Variants in DDX39B observed in about 807,000 individuals in gnomAD.
DDX39B encodes the protein spliceosome RNA helicase DDX39B.
In DDX39B, 6 loss-of-function variants were observed where a neutral mutation model predicts 46.4. That is an observed-to-expected ratio of 0.13 (90% confidence interval 0.07 to 0.26). The LOEUF (loss-of-function observed/expected upper bound fraction) is 0.26. DDX39B is among the 10% of genes least tolerant of loss of function. DDX39B has a pLI of 1.00. For synonymous variants in DDX39B, 174 were observed against 199.4 expected, an observed-to-expected ratio of 0.87 and a Z score of 1.07; for missense variants, 185 against 553.4, an observed-to-expected ratio of 0.33 and a Z score of 6.68.
In DDX39B at chr6:31,540,548, G is replaced by A. The variant is rs770147406; in HGVS notation, c.-16C>T. On this transcript the variant is annotated 5_prime_UTR_variant, in exon 2 of 11. Coordinates refer to ENST00000396172, the MANE Select transcript of DDX39B (RefSeq NM_004640.7). ...TCTCTGCCATAACTGGGCCGGCAGG[G>A]GAAGAAGGGAAGGGGGATCTGGATG... 1 of 1,613,306 alleles carries A rather than the reference G, an allele frequency of 6.2e-7. No homozygotes were observed. Among genetic ancestry groups the A allele is most frequent in the Non-Finnish European group, 8.5e-7 (1 of 1,179,668 alleles).
chr6:31,541,859 C>G, intron 1 of DDX39B, 91 bp downstream of exon 1: 1 of 637,536 alleles, frequency 1.6e-6, no homozygotes, highest in Non-Finnish European at 2.9e-6. Context: ...ACCAGACCAT[C>G]GCCTGTGAAA....
chr6:31,540,858 G>T, intron 1 of DDX39B, 194 bp from the exon 2 acceptor site: 1 of 451,956 alleles, frequency 2.2e-6, no homozygotes, highest in East Asian at 4.2e-5. Flanking sequence ...TTAGGACAGA[G>T]GTTCCCAACA....
Position 31,540,675 on chromosome 6 carries a change from GAA to G in DDX39B, c.-132-13_-132-12del, listed in dbSNP as rs34788230. ...TTTCTAACAGAAGAGCTGGAGGGGG[GAA>G]AAAAAAAAGCAAGACTTAATCACGA... On this transcript the variant is annotated splice_polypyrimidine_tract_variant and intron_variant, in intron 1 of 10. Coordinates refer to ENST00000396172, the MANE Select transcript of DDX39B (RefSeq NM_004640.7). The G allele has an allele frequency of 2.0e-3, 1,256 of 632,778 alleles. 19 individuals carry two copies. The East Asian group carries it at 0.029, about 15-fold the overall frequency. The allele number at this position is 632,778 out of a possible 1,614,324, so 39.2% of individuals were successfully genotyped here.
chr6:31,540,988 T>G, intron 1 of DDX39B: 2 of 434,254 alleles, frequency 4.6e-6, no homozygotes, highest in South Asian at 1.7e-5. Flanking sequence ...AAAATACGAC[T>G]AATAACTTAG....
At chr6:31,538,155 G>T (rs761249368) in intron 4 of DDX39B, among the ~76,000 whole-genome samples, 2 of 152,080 alleles carry the variant, frequency 1.3e-5, no homozygotes, top group East Asian at 3.8e-4. Context: ...ACTTCAATCA[G>T]ATTTTTTCTT....
Position 31,535,635 on chromosome 6 carries a change from A to G in DDX39B, c.617-150T>C. The G allele has an allele frequency of 1.5e-6, 1 of 653,720 alleles. No homozygotes were observed. 40.5% of individuals were successfully genotyped at this position (653,720 alleles called of 1,614,324 possible). On this transcript the variant is annotated intron_variant, in intron 5 of 10. Transcript: ENST00000396172. The surrounding 1 kb of genome is among the most constrained non-coding windows in gnomAD (Gnocchi z 4.6). ...GGACTTGGAATCAAGAAGTGGGATC[A>G]GATTCCAGCTGTTTGTTTTAACCAA...
chr6:31,531,382 C>T lies in DDX39B; in HGVS notation c.891G>A (p.Val297=), dbSNP rs763685010. The T allele has an allele frequency of 4.2e-5, 68 of 1,613,916 alleles. No individual in the cohort carries two copies. The highest frequency in any genetic ancestry group is 5.7e-5 in the Non-Finnish European group (67 of 1,180,022). The part of the protein sequence containing the change: ...FNQVVIFVKS[V]QRCIALAQLL... ...GCTGGGCCAAGGCAATGCACCGCTG[C>T]ACAGACTTCACAAAGATCACCACCT... Residue 297 remains valine (V), a synonymous_variant, in exon 8 of 11, where the codon GTG becomes GTA. Transcript: ENST00000396172. The surrounding 1 kb of genome is among the most constrained non-coding windows in gnomAD (Gnocchi z 5.8).
chr6:31,536,507 T>A lies in DDX39B; in HGVS notation c.609A>T (p.Glu203Asp). Residue 203 changes from glutamate (E) to aspartate (D), a missense_variant, in exon 5 of 11, where the codon GAA (glutamate) becomes GAT (aspartate). Physicochemically the swap from Glu to Asp is conservative, Grantham distance 45. Coordinates refer to ENST00000396172, the MANE Select transcript of DDX39B (RefSeq NM_004640.7). Reference sequence around the variant, plus strand: ...CCCAGCACTGCCACTCACCGAGCTGTTCAAGCATCTTATCACATTCATCCA... The same window carrying A: ...CCCAGCACTGCCACTCACCGAGCTGATCAAGCATCTTATCACATTCATCCA... ...FILDECDKMLEQLDMRRDVQE... is the reference protein window; with the variant it reads ...FILDECDKMLDQLDMRRDVQE... 6.2e-7 allele frequency: 1 copy of A among 1,613,260 alleles called. No individual in the cohort carries two copies. The highest frequency in any genetic ancestry group is 8.5e-7 in the Non-Finnish European group (1 of 1,180,036).
In DDX39B at chr6:31,530,600, GACAAGAC is replaced by G. The variant is rs1200592772; in HGVS notation, c.1271-157_1271-151del. 2.0e-5 allele frequency: 24 copies of G among 1,191,810 alleles called. No homozygotes were observed. The East Asian group carries it at 6.1e-4, about 30-fold the overall frequency. The allele number at this position is 1,191,810 out of a possible 1,614,324, so 73.8% of individuals were successfully genotyped here. A position where few individuals can be genotyped will look rare whatever the true frequency, so the allele number is the denominator to read the frequency against. On this transcript the variant is annotated intron_variant, in intron 10 of 10. Coordinates refer to ENST00000396172, the MANE Select transcript of DDX39B (RefSeq NM_004640.7). This position sits in a 1 kb window ranked among gnomAD's most constrained non-coding sequence, Gnocchi z 4.5. Reference sequence around the variant, plus strand: ...GAAGGGATGTAATATGATGAGAGAAGACAAGACACCCCACATAAAGGTCAGAAAAACA... The same window carrying G: ...GAAGGGATGTAATATGATGAGAGAAGACCCCACATAAAGGTCAGAAAAACA...
Position 31,536,636 on chromosome 6 carries a change from C to T in DDX39B, c.480G>A (p.Val160=). 1.2e-6 allele frequency: 2 copies of T among 1,613,140 alleles called. No homozygotes were observed. The highest frequency in any genetic ancestry group is 1.7e-6 in the Non-Finnish European group (2 of 1,180,030). ...GGLSIKKDEE[V]LKKNCPHIVV... ...CGATATGCGGGCAGTTCTTCTTCAG[C>T]ACCTCTTCATCCTTCTTGATAGACA... The change falls in exon 5 of 11, where the codon GTG becomes GTA. Residue 160 remains valine (V), a synonymous_variant. Transcript: ENST00000396172.
chr6:31,535,643 G>A lies in DDX39B; in HGVS notation c.617-158C>T, dbSNP rs2516475. ...AATCAAGAAGTGGGATCAGATTCCA[G>A]CTGTTTGTTTTAACCAAGCAAGAAA... is the stretch of plus-strand genomic sequence containing the variant. On this transcript the variant is annotated intron_variant, in intron 5 of 10. Coordinates refer to ENST00000396172, the MANE Select transcript of DDX39B (RefSeq NM_004640.7). The surrounding 1 kb of genome is among the most constrained non-coding windows in gnomAD (Gnocchi z 4.6). Among the ~76,000 whole-genome samples, 1 of 152,106 alleles carries A rather than the reference G, an allele frequency of 6.6e-6. No individual in the cohort carries two copies. The highest frequency in any genetic ancestry group is 1.5e-5 in the Non-Finnish European group (1 of 68,026).
chr6:31,539,765 A>G (rs1234337950), intron 2 of DDX39B, among the ~76,000 whole-genome samples: 1 of 152,206 alleles, frequency 6.6e-6, no homozygotes, highest in Non-Finnish European at 1.5e-5. Flanking sequence ...GGCCTGGCCC[A>G]ACAGAGGGAG....
At position 31,532,914 on chromosome 6, in the gene DDX39B, GGGGGGGAGGAAGGGGGTGGGGAAC is replaced by G; in HGVS notation, c.736-27_736-4del. 1 of 1,484,220 alleles carries G rather than the reference GGGGGGGAGGAAGGGGGTGGGGAAC, an allele frequency of 6.7e-7. No homozygotes were observed. Among genetic ancestry groups the G allele is most frequent in the Non-Finnish European group, 9.1e-7 (1 of 1,095,764 alleles). 91.9% of individuals were successfully genotyped at this position (1,484,220 alleles called of 1,614,324 possible). On this transcript the variant is annotated splice_polypyrimidine_tract_variant and splice_region_variant and intron_variant, in intron 6 of 10. Coordinates refer to ENST00000396172, the MANE Select transcript of DDX39B (RefSeq NM_004640.7). ...TCATCCACGAAGATCTCCATTGGCT[GGGGGGGAGGAAGGGGGTGGGGAAC>G]GGGAGGAGGGCAGAGTGGGGGGGTT...
Position 31,531,985 on chromosome 6 carries a change from T to TTTA in DDX39B, c.868-581_868-580insTAA, listed in dbSNP as rs527879730. ...GGTGCACACCACCACGCCCAGCTAC[T>TTTA]TTTTTTATTTTTTATTTTTACTATT... On this transcript the variant is annotated intron_variant, in intron 7 of 10. Transcript: ENST00000396172. The surrounding 1 kb of genome is among the most constrained non-coding windows in gnomAD (Gnocchi z 5.8). 1.5e-4 allele frequency among the ~76,000 whole-genome samples: 23 copies of TTTA among 152,084 alleles called. No homozygotes were observed. The East Asian group carries it at 4.4e-3, about 29-fold the overall frequency.
chr6:31,539,014 C>A, intron 3 of DDX39B, 133 bp downstream of exon 3: 2 of 1,534,226 alleles, frequency 1.3e-6, no homozygotes, highest in Middle Eastern at 1.7e-4. Flanking sequence ...ACATCCCCCA[C>A]AGCTGTCAGG....
chr6:31,536,759 T>C, intron 4 of DDX39B, 76 bp from the exon 5 acceptor site: 1 of 1,527,804 alleles, frequency 6.5e-7, no homozygotes, highest in Non-Finnish European at 8.8e-7. Context: ...CCACTCTGTT[T>C]GAGCTAAACC....
At position 31,534,145 on chromosome 6, in the gene DDX39B, G is replaced by T. The variant is rs1767505996; in HGVS notation, c.735+1222C>A. On this transcript the variant is annotated intron_variant, in intron 6 of 10. Transcript: ENST00000396172. This position sits in a 1 kb window ranked among gnomAD's most constrained non-coding sequence, Gnocchi z 5.1. The stretch of plus-strand genomic sequence containing the variant: ...CTGCCTCAGCTTCCCAAGTAGCTGG[G>T]ACTACAGGCATGCGCCACCACGCCC... 1 of 178,248 alleles carries T rather than the reference G, an allele frequency of 5.6e-6. No homozygotes were observed. The highest frequency in any genetic ancestry group is 2.4e-5 in the African/African-American group (1 of 42,022). The allele number at this position is 178,248 out of a possible 1,614,324, so 11.0% of individuals were successfully genotyped here. A position where few individuals can be genotyped will look rare whatever the true frequency, so the allele number is the denominator to read the frequency against.
Position 31,530,953 on chromosome 6 carries a change from G to C in DDX39B, c.1123-27C>G. On this transcript the variant is annotated intron_variant, in intron 9 of 10. Coordinates refer to ENST00000396172, the MANE Select transcript of DDX39B (RefSeq NM_004640.7). This position sits in a 1 kb window ranked among gnomAD's most constrained non-coding sequence, Gnocchi z 4.5. ...TGGAGGGAGACAGAGGGTAGCACTG[G>C]AAGACCGAAGAGGAAAGAGACCCAG... 6.2e-7 allele frequency: 1 copy of C among 1,613,998 alleles called. No individual in the cohort carries two copies. Among genetic ancestry groups the C allele is most frequent in the Non-Finnish European group, 8.5e-7 (1 of 1,179,882 alleles).
intron 1 of DDX39B, chr6:31,541,399 G>A (rs888541667): frequency 2.7e-6 from 1 of 371,428 alleles, no homozygotes; most frequent in African/African-American, 2.1e-5. Flanking sequence ...TCTTTACCAA[G>A]TGGTCTCACA....
Sources: gnomAD v4.1 joint callset for allele counts (sites outside exome capture counted in the v4.1 genomes callset) on GRCh38, gnomAD v4.1.1 for gene constraint, Gnocchi (gnomAD v3.1) non-coding constraint, MANE v1.5 for transcripts, NCBI Gene and HGNC (gene_info 2026-07-23, HGNC 2026-07-21) for gene names.